Variants in CCDC77 observed in about 807,000 individuals in gnomAD.
CCDC77 encodes the protein coiled-coil domain-containing protein 77.
Under a neutral mutation model 66.8 loss-of-function variants are expected in CCDC77, and 56 were observed. The observed-to-expected ratio is 0.84, with a 90% CI of 0.68 to 1.05. CCDC77 has a LOEUF of 1.05. Ranked by LOEUF, CCDC77 falls within the 50% of genes least tolerant of loss-of-function variation. The probability of loss-of-function intolerance (pLI) is 0.00; values close to 1 mark genes in which losing one functional copy is unlikely to be tolerated. For synonymous variants in CCDC77, 196 were observed against 195.2 expected (o/e 1.00, Z -0.03); for missense variants, 570 against 576.8 (o/e 0.99, Z 0.12).
At chr12:426,604 C>T (rs1945536742) in intron 5 of CCDC77, among the ~76,000 whole-genome samples, 1 of 152,166 alleles carries the variant, frequency 6.6e-6, no homozygotes, top group South Asian at 2.1e-4. Context: ...TACTGTCCCC[C>T]ACCTAGTATG....
At chr12:415,402 CATA>C (rs1469198413) in intron 4 of CCDC77, among the ~76,000 whole-genome samples, 9 of 63,552 alleles carry the variant, frequency 1.4e-4, no homozygotes, top group East Asian at 4.5e-4. Context: ...ATATAATCAA[CATA>C]ATATGTTGAT....
rs144995374 is a variant in CCDC77, at chr12:426,008, C to T, written c.414-2761C>T. Among the ~76,000 whole-genome samples the T allele has an allele frequency of 1.3e-3, 198 of 152,208 alleles. 4 individuals are homozygous for T. In the East Asian group the frequency reaches 0.016, roughly 12 times the overall value. On this transcript the variant is annotated intron_variant, in intron 5 of 12. Transcript: ENST00000239830. Reference sequence around the variant, plus strand: ...GCCTCCCGAGTAGCTGGGACTACAGCGCACGCTATCACGCCCAGCTAATTT... The same window carrying T: ...GCCTCCCGAGTAGCTGGGACTACAGTGCACGCTATCACGCCCAGCTAATTT...
At chr12:397,697 A>G (rs1944846216), upstream of CCDC77, among the ~76,000 whole-genome samples, 1 of 151,706 alleles carries the variant, frequency 6.6e-6, no homozygotes, top group South Asian at 2.1e-4. Context: ...CCCAGGCTGG[A>G]GTGCAGTGGC....
Position 418,618 on chromosome 12 carries a change from A to G in CCDC77, c.395A>G (p.Asn132Ser), listed in dbSNP as rs1945331723. The change falls in exon 5 of 13, where the codon AAT (asparagine) becomes AGT (serine). Residue 132 changes from asparagine (N) to serine (S), a missense_variant. By Grantham distance (46) the Asn-to-Ser change is conservative. Coordinates refer to ENST00000239830, the MANE Select transcript of CCDC77 (RefSeq NM_032358.4). ...CATGTTTTACGCCTCTACTCAGAAA[A>G]TGACCGACTGAGAATCAGGTACCAA... Reference protein sequence around the residue: ...REHVLRLYSENDRLRIRELED... With the variant: ...REHVLRLYSESDRLRIRELED... The G allele has an allele frequency of 6.2e-7, 1 of 1,613,848 alleles. No individual in the cohort carries two copies. Among genetic ancestry groups the G allele is most frequent in the Non-Finnish European group, 8.5e-7 (1 of 1,179,964 alleles).
chr12:424,525 C>T (rs770960954), intron 5 of CCDC77, among the ~76,000 whole-genome samples: 1 of 151,814 alleles, frequency 6.6e-6, no homozygotes, highest in Non-Finnish European at 1.5e-5. Flanking sequence ...GGGCAGATCT[C>T]ACTATATTCC....
chr12:418,495 A>T lies in CCDC77; in HGVS notation c.272A>T (p.His91Leu). ...TATCTTATTGTGGTTTTTTTGCAGC[A>T]TAAACTTGAATGTGATTTGCAGCAG... is the stretch of plus-strand genomic sequence containing the variant. ...ELYKEACEGQ[H>L]KLECDLQQRE... Residue 91 changes from histidine (H) to leucine (L), a missense_variant and splice_region_variant, in exon 5 of 13, where the codon CAT becomes CTT. His to Leu is a moderately conservative substitution (Grantham distance 99). Transcript: ENST00000239830. The T allele has an allele frequency of 6.2e-7, 1 of 1,614,012 alleles. No homozygotes were observed.
chr12:441,678 A>T, intron 12 of CCDC77, 96 bp from the exon 13 acceptor site: 2 of 1,334,688 alleles, frequency 1.5e-6, no homozygotes, highest in East Asian at 4.7e-5. Context: ...AAATCTCACA[A>T]AAAGGAGCTA....
intron 5 of CCDC77, among the ~76,000 whole-genome samples, chr12:423,460 T>G (rs1945454536): frequency 1.5e-5 from 1 of 65,196 alleles, no homozygotes; most frequent in Non-Finnish European, 2.8e-5. Context: ...ATTTTCTGGG[T>G]GTTTTTTGTG....
At chr12:415,327 CATAAT>C (rs1945209457) in intron 4 of CCDC77, among the ~76,000 whole-genome samples, 1 of 90,320 alleles carries the variant, frequency 1.1e-5, no homozygotes, top group African/African-American at 4.9e-5. Context: ...ATATAATCAA[CATAAT>C]ATTATGTTAA....
chr12:409,222 A>AAG, intron 2 of CCDC77, 146 bp from the exon 3 acceptor site: 1 of 641,792 alleles, frequency 1.6e-6, no homozygotes, highest in Non-Finnish European at 2.7e-6. Context: ...AAAAAAAAAA[A>AAG]AAGAAAAAAA....
At chr12:435,216 G>C (rs993240982) in intron 9 of CCDC77, among the ~76,000 whole-genome samples, 1 of 148,564 alleles carries the variant, frequency 6.7e-6, no homozygotes, top group Non-Finnish European at 1.5e-5. Flanking sequence ...GTTTCATCTA[G>C]TTTCATGGTA....
At chr12:440,114 C>T (rs1945832465) in intron 10 of CCDC77, among the ~76,000 whole-genome samples, 1 of 152,140 alleles carries the variant, frequency 6.6e-6, no homozygotes, top group South Asian at 2.1e-4. Flanking sequence ...TGGCAGCAGC[C>T]AGTTGTGGAG....
intron 5 of CCDC77, among the ~76,000 whole-genome samples, chr12:425,000 G>A (rs11062919): frequency 0.017 from 2,543 of 149,438 alleles, 49 homozygotes; most frequent in East Asian, 0.11. Context: ...GCACGATCTC[G>A]GCTCACTGCA....
At chr12:415,965 C>T (rs929974605) in intron 4 of CCDC77, among the ~76,000 whole-genome samples, 11 of 151,804 alleles carry the variant, frequency 7.2e-5, no homozygotes, top group Non-Finnish European at 1.5e-4. Flanking sequence ...ACCACCATGC[C>T]CGGCTAATTT....
At chr12:400,384 A>G (rs1434299782), upstream of CCDC77, among the ~76,000 whole-genome samples, 1 of 152,184 alleles carries the variant, frequency 6.6e-6, no homozygotes, top group East Asian at 1.9e-4. Context: ...TTGCATGCAC[A>G]ACTTGGCTAA....
chr12:418,431 C>G, intron 4 of CCDC77, 63 bp from the exon 5 acceptor site: 1 of 1,498,998 alleles, frequency 6.7e-7, no homozygotes, highest in Non-Finnish European at 9.3e-7. Context: ...CCTCCCTATC[C>G]AGTGAGAGAT....
chr12:409,326 C>G, intron 2 of CCDC77, 42 bp from the exon 3 acceptor site: 11 of 1,434,636 alleles, frequency 7.7e-6, no homozygotes, highest in Non-Finnish European at 1.1e-5. Flanking sequence ...TTTTATTTTT[C>G]TATTCGTGGC....
chr12:433,479 A>G, intron 9 of CCDC77, 157 bp downstream of exon 9: 1 of 1,413,130 alleles, frequency 7.1e-7, no homozygotes, highest in Non-Finnish European at 9.2e-7. Flanking sequence ...GTAGGTGAGT[A>G]CCTCGCTTTT....
chr12:433,495 C>G (rs1253302316), intron 9 of CCDC77, 173 bp downstream of exon 9: 1 of 1,394,010 alleles, frequency 7.2e-7, no homozygotes, highest in Non-Finnish European at 9.3e-7. Flanking sequence ...CTTTTCCAGG[C>G]GTGCTGTTGA....
Sources: gnomAD v4.1 joint callset for allele counts (sites outside exome capture counted in the v4.1 genomes callset) on GRCh38, gnomAD v4.1.1 for gene constraint, MANE v1.5 for transcripts, NCBI Gene and HGNC (gene_info 2026-07-23, HGNC 2026-07-21) for gene names.